The following RHOT2 variants were observed in gnomAD, a reference collection of about 807,000 sequenced individuals.
RHOT2 encodes mitochondrial Rho GTPase 2.
In RHOT2, 90 loss-of-function variants were observed where a neutral mutation model predicts 81.6. The ratio of observed to expected loss-of-function variants is 1.10; its 90% confidence interval spans 0.93 to 1.31. RHOT2 has a LOEUF of 1.31. Ranked by LOEUF, RHOT2 falls within the 40% of genes most tolerant of loss-of-function variation. The probability of loss-of-function intolerance (pLI) is 0.00; values close to 1 mark genes in which losing one functional copy is unlikely to be tolerated. For synonymous variants in RHOT2, 512 were observed against 370.9 expected (o/e 1.38, Z -4.37); for missense variants, 1,014 against 841.9 (o/e 1.20, Z -2.53).
intron 18 of RHOT2, 54 bp downstream of exon 18, chr16:673,184 G>A: frequency 6.4e-7 from 1 of 1,552,618 alleles, no homozygotes. Context: ...CATCCGAGCA[G>A]TGGGCAGCGG....
chr16:672,896 GGA>G, intron 17 of RHOT2, 30 bp from the exon 18 acceptor site: 1 of 1,612,684 alleles, frequency 6.2e-7, no homozygotes, highest in Non-Finnish European at 8.5e-7. Flanking sequence ...GGCCACCCCA[GGA>G]CTGTACCTCA....
At chr16:671,259 C>G (rs149019337) in intron 11 of RHOT2, 56 bp downstream of exon 11, 24 of 1,503,080 alleles carry the variant, frequency 1.6e-5, no homozygotes, top group Non-Finnish European at 2.1e-5. Flanking sequence ...AGCTGACTGC[C>G]GACTATCTCT....
chr16:673,749 C>G lies in RHOT2; in HGVS notation c.*143C>G. On this transcript the variant is annotated 3_prime_UTR_variant, in exon 19 of 19. Transcript: ENST00000315082. Reference sequence around the variant, plus strand: ...GGGACTTTTTGTTTCTGAAGGCAGTCGATCTGCAGCGGGGCCTTATGCTGC... The same window carrying G: ...GGGACTTTTTGTTTCTGAAGGCAGTGGATCTGCAGCGGGGCCTTATGCTGC... 9.8e-7 allele frequency: 1 copy of G among 1,016,470 alleles called. No homozygotes were observed. Among genetic ancestry groups the G allele is most frequent in the Non-Finnish European group, 1.4e-6 (1 of 708,174 alleles). The allele number at this position is 1,016,470 out of a possible 1,614,324, so 63.0% of individuals were successfully genotyped here. A position where few individuals can be genotyped will look rare whatever the true frequency, so the allele number is the denominator to read the frequency against.
chr16:673,244 T>C (rs2039271681), intron 18 of RHOT2, 114 bp downstream of exon 18: 2 of 1,311,436 alleles, frequency 1.5e-6, no homozygotes, highest in Non-Finnish European at 2.1e-6. Flanking sequence ...ATCCGAGCAG[T>C]GGGCAGCAGT....
chr16:672,622 C>G (rs1319436232), intron 16 of RHOT2, 56 bp downstream of exon 16: 2 of 1,609,472 alleles, frequency 1.2e-6, no homozygotes, highest in Admixed American at 1.7e-5. Flanking sequence ...GACACCCAGG[C>G]CTGCCTGGCA....
rs773845136 is a variant in RHOT2, at chr16:671,064, C to A, written c.749-19C>A. ...GAGGGGGCTGTGCCTGGTGCTCCCCCTGCTTTGTCTCGGTGCAGGTTTCCT... is the reference window on the plus strand; with the variant it reads ...GAGGGGGCTGTGCCTGGTGCTCCCCATGCTTTGTCTCGGTGCAGGTTTCCT... On this transcript the variant is annotated intron_variant, in intron 10 of 18. Coordinates refer to ENST00000315082, the MANE Select transcript of RHOT2 (RefSeq NM_138769.3). 1 of 1,608,868 alleles carries A rather than the reference C, an allele frequency of 6.2e-7. No homozygotes were observed. The highest frequency in any genetic ancestry group is 1.1e-5 in the South Asian group (1 of 91,040).
At chr16:669,855 G>GT (rs1270820553) in intron 5 of RHOT2, 2 of 617,244 alleles carry the variant, frequency 3.2e-6, no homozygotes, top group Non-Finnish European at 5.7e-6. Flanking sequence ...CAAACCCCCG[G>GT]GGGGGGACCC....
At position 673,911 on chromosome 16, in the gene RHOT2, G is replaced by C. The variant is rs955286605; in HGVS notation, c.*305G>C. 3.4e-6 allele frequency: 2 copies of C among 582,996 alleles called. No individual in the cohort carries two copies. The highest frequency in any genetic ancestry group is 6.5e-6 in the Non-Finnish European group (2 of 309,546). The allele number at this position is 582,996 out of a possible 1,614,324, so 36.1% of individuals were successfully genotyped here. On this transcript the variant is annotated 3_prime_UTR_variant, in exon 19 of 19. Transcript: ENST00000315082. ...CATGTGTGTGGGGCCGGGGAGCACA[G>C]GTGTGGGAGCTGGTGACCCCAGACC...
chr16:673,166 G>T, intron 18 of RHOT2, 36 bp downstream of exon 18: 3 of 1,597,244 alleles, frequency 1.9e-6, no homozygotes, highest in Non-Finnish European at 2.6e-6. Flanking sequence ...GGGACTAGCA[G>T]TGTCTGTCAT....
chr16:669,454 T>C, intron 4 of RHOT2, 99 bp from the exon 5 acceptor site: 4 of 1,237,766 alleles, frequency 3.2e-6, no homozygotes. Flanking sequence ...CCTGTGAGCT[T>C]CTGGGGCCTC....
In RHOT2 at chr16:670,121, A is replaced by G; in HGVS notation, c.277-2A>G. ...ACTTCACAGCCAGGCTTTGCTTTTCAGATTCGAACTAAGTGGATCCCACTG... is the reference window on the plus strand; with the variant it reads ...ACTTCACAGCCAGGCTTTGCTTTTCGGATTCGAACTAAGTGGATCCCACTG... On this transcript the variant is annotated splice_acceptor_variant, in intron 5 of 18. Coordinates refer to ENST00000315082, the MANE Select transcript of RHOT2 (RefSeq NM_138769.3). LOFTEE classifies it high-confidence loss of function. 3 of 1,559,924 alleles carry G rather than the reference A, an allele frequency of 1.9e-6. No homozygotes were observed. The highest frequency in any genetic ancestry group is 2.6e-6 in the Non-Finnish European group (3 of 1,154,450).
chr16:671,822 T>TC, intron 12 of RHOT2, 38 bp from the exon 13 acceptor site: 1 of 422,662 alleles, frequency 2.4e-6, no homozygotes, highest in Non-Finnish European at 3.7e-6. Context: ...CCCCGCCCCC[T>TC]CCCCGGCACA....
At chr16:668,620 T>TGCTGGGTCC (rs1378532583) in intron 3 of RHOT2, 36 bp from the exon 4 acceptor site, 1 of 1,609,036 alleles carries the variant, frequency 6.2e-7, no homozygotes, top group Non-Finnish European at 8.5e-7. Flanking sequence ...CCGGCGGGCC[T>TGCTGGGTCC]GCTGGGTCCG....
At chr16:669,326 AG>A (rs11357675) in intron 4 of RHOT2, 170,496 of 588,116 alleles carry the variant, frequency 0.29, 29,467 homozygotes, top group East Asian at 0.69. Context: ...GGCTTCTCTG[AG>A]GGTTCAGCAG....
chr16:673,478 A>C lies in RHOT2; in HGVS notation c.1731-2A>C. 1 of 1,612,646 alleles carries C rather than the reference A, an allele frequency of 6.2e-7. No homozygotes were observed. The highest frequency in any genetic ancestry group is 8.5e-7 in the Non-Finnish European group (1 of 1,179,918). ...TCTGCAGATGATTCTTCTCTCTTGC[A>C]GACATTTGGTCCACGCAGAGCTGCA... On this transcript the variant is annotated splice_acceptor_variant, in intron 18 of 18. Coordinates refer to ENST00000315082, the MANE Select transcript of RHOT2 (RefSeq NM_138769.3). LOFTEE classifies it high-confidence loss of function.
rs781451058 is a variant in RHOT2 at position 669,555 on chromosome 16, A to C, written c.225A>C (p.Ala75=). The change falls in exon 5 of 19, where the codon GCA becomes GCC. Residue 75 remains alanine, a splice_region_variant and synonymous_variant. Coordinates refer to ENST00000315082, the MANE Select transcript of RHOT2 (RefSeq NM_138769.3). ...ACACCTCATCACTGTTCCCTCAGGC[A>C]AACGTGGTGTGTGTGGTGTATGACG... ...DEELREEIHK[A]NVVCVVYDVS... is the part of the protein sequence containing the mutation. 5 of 1,611,950 alleles carry C rather than the reference A, an allele frequency of 3.1e-6. No homozygotes were observed. The Admixed American group carries it at 8.3e-5, about 27-fold the overall frequency.
chr16:670,135 TG>T lies in RHOT2; in HGVS notation c.291del (p.Trp97Ter), dbSNP rs1257902607. 6.3e-7 allele frequency: 1 copy of T among 1,577,436 alleles called. No homozygotes were observed. Among genetic ancestry groups the T allele is most frequent in the Non-Finnish European group, 8.6e-7 (1 of 1,163,608 alleles). On this transcript the variant is annotated frameshift_variant, in exon 6 of 19. Coordinates refer to ENST00000315082, the MANE Select transcript of RHOT2 (RefSeq NM_138769.3). LOFTEE classifies it high-confidence loss of function. ...EATIEKIRTK[W>X]IPLVNGGTTQ... is the part of the protein sequence containing the mutation. ...CTTTGCTTTTCAGATTCGAACTAAG[TG>T]GATCCCACTGGTGAATGGGGGGACC...
rs915178528 is a variant in RHOT2, at chr16:673,334, C to T, written c.1731-146C>T. On this transcript the variant is annotated intron_variant, in intron 18 of 18. Transcript: ENST00000315082. Reference sequence around the variant, plus strand: ...AGGGAGGCAGTGCCCAGGCATGTCCCTCCAGGGCCTGGCCTCCACCGGCTG... The same window carrying T: ...AGGGAGGCAGTGCCCAGGCATGTCCTTCCAGGGCCTGGCCTCCACCGGCTG... 4 of 1,336,986 alleles carry T rather than the reference C, an allele frequency of 3.0e-6. No individual in the cohort carries two copies. The East Asian group carries it at 6.9e-5, about 23-fold the overall frequency. 82.8% of individuals were successfully genotyped at this position (1,336,986 alleles called of 1,614,324 possible).
At chr16:670,034 T>G in intron 5 of RHOT2, 89 bp from the exon 6 acceptor site, 1 of 1,304,262 alleles carries the variant, frequency 7.7e-7, no homozygotes, top group Non-Finnish European at 1.1e-6. Context: ...GACCTCCCCC[T>G]TCTGCTCTCC....
Sources: gnomAD v4.1 joint callset for allele counts on GRCh38, gnomAD v4.1.1 for gene constraint, MANE v1.5 for transcripts, NCBI Gene and HGNC (gene_info 2026-07-23, HGNC 2026-07-21) for gene names.